The following SYT16 variants were observed in gnomAD, a reference collection of about 807,000 sequenced individuals.
The protein encoded by SYT16 is synaptotagmin-16.
SYT16 carries 42 observed loss-of-function variants against 61.4 expected under a neutral mutation model. The observed-to-expected ratio is 0.68, with a 90% CI of 0.53 to 0.89. The LOEUF (loss-of-function observed/expected upper bound fraction) is 0.89, where lower values mean the gene tolerates loss of function less well. SYT16 is among the 40% of genes least tolerant of loss of function. SYT16 has a pLI of 0.00. For synonymous variants in SYT16, 314 were observed against 302.3 expected, an observed-to-expected ratio of 1.04 and a Z score of -0.40; for missense variants, 804 against 807.3, an observed-to-expected ratio of 1.00 and a Z score of 0.05.
intron 7 of SYT16, among the ~76,000 whole-genome samples, chr14:62,091,003 A>C (rs1302279710): frequency 6.6e-6 from 1 of 152,174 alleles, no homozygotes; most frequent in Non-Finnish European, 1.5e-5. Flanking sequence ...GTTACCTCCC[A>C]CCGGGTCCCT....
intron 1 of SYT16, among the ~76,000 whole-genome samples, chr14:61,926,115 T>G (rs1052682085): frequency 4.6e-5 from 7 of 152,056 alleles, no homozygotes; most frequent in African/African-American, 7.2e-5. Context: ...GTGTGGGAGA[T>G]ATCGGGGTTT....
At chr14:61,819,877 T>C (rs1403802448) in intron 1 of SYT16, among the ~76,000 whole-genome samples, 1 of 152,198 alleles carries the variant, frequency 6.6e-6, no homozygotes, top group Non-Finnish European at 1.5e-5. Context: ...TCTGAGGAAT[T>C]ACAAGGAGTA....
At chr14:61,953,772 G>A (rs1300950048) in intron 1 of SYT16, among the ~76,000 whole-genome samples, 2 of 152,208 alleles carry the variant, frequency 1.3e-5, no homozygotes, top group Non-Finnish European at 2.9e-5. Context: ...GTGGTAGACA[G>A]CTGTGCTGTA....
intron 1 of SYT16, among the ~76,000 whole-genome samples, chr14:61,815,994 C>T (rs2045415588): frequency 6.6e-6 from 1 of 152,170 alleles, no homozygotes. Flanking sequence ...AAACATCTAA[C>T]TCTATTATAC....
intron 1 of SYT16, among the ~76,000 whole-genome samples, chr14:61,901,492 A>G (rs1282501863): frequency 1.3e-5 from 2 of 152,166 alleles, no homozygotes; most frequent in African/African-American, 4.8e-5. Context: ...CATTCTGGGT[A>G]GCAGTCTGTA....
At chr14:61,980,160 G>A (rs891017151) in intron 2 of SYT16, among the ~76,000 whole-genome samples, 1 of 152,198 alleles carries the variant, frequency 6.6e-6, no homozygotes, top group African/African-American at 2.4e-5. Flanking sequence ...GGTCCCTAGT[G>A]TGGAAGCACA....
At chr14:61,900,493 A>C (rs1345135057) in intron 1 of SYT16, among the ~76,000 whole-genome samples, 1 of 152,176 alleles carries the variant, frequency 6.6e-6, no homozygotes, top group Non-Finnish European at 1.5e-5. Flanking sequence ...TCTGAAAACA[A>C]ATTTCCAGGA....
chr14:61,948,871 G>A (rs946617257), intron 1 of SYT16, among the ~76,000 whole-genome samples: 4 of 152,166 alleles, frequency 2.6e-5, no homozygotes, highest in African/African-American at 9.7e-5. Flanking sequence ...GATGACTTAG[G>A]CATACAGAAA....
intron 2 of SYT16, among the ~76,000 whole-genome samples, chr14:61,983,625 A>C (rs529606395): frequency 6.6e-6 from 1 of 152,196 alleles, no homozygotes; most frequent in African/African-American, 2.4e-5. Flanking sequence ...TATTGGGCTC[A>C]AGCAATCCTT....
chr14:62,081,239 G>T lies in SYT16; in HGVS notation c.1399G>T (p.Val467Leu), dbSNP rs775442223. Reference protein sequence around the residue: ...SHLHPEGEMKVTLVLEPRSNI... With the variant: ...SHLHPEGEMKLTLVLEPRSNI... ...CCTGCACCCAGAAGGGGAAATGAAA[G>T]TGACTCTGGTTCTGGAGCCAAGAAG... Residue 467 changes from valine (V) to leucine (L), a missense_variant, in exon 6 of 8, where the codon GTG becomes TTG. Val to Leu is a conservative substitution (Grantham distance 32). Transcript: ENST00000683842. 48 of 1,613,840 alleles carry T rather than the reference G, an allele frequency of 3.0e-5. No individual in the cohort carries two copies. The highest frequency in any genetic ancestry group is 3.3e-4 in the Middle Eastern group (2 of 6,084).
intron 5 of SYT16, among the ~76,000 whole-genome samples, chr14:62,077,241 A>G (rs542092184): frequency 1.3e-5 from 2 of 152,326 alleles, no homozygotes; most frequent in South Asian, 4.1e-4. Flanking sequence ...TTGACAGAAA[A>G]TCTTTAAACC....
intron 1 of SYT16, among the ~76,000 whole-genome samples, chr14:61,885,994 T>C (rs1465520598): frequency 2.0e-5 from 3 of 150,104 alleles, no homozygotes; most frequent in Non-Finnish European, 4.4e-5. Context: ...AGACAGAGTC[T>C]TGCTCTGTCG....
intron 4 of SYT16, among the ~76,000 whole-genome samples, chr14:62,071,601 A>T (rs980323121): frequency 6.6e-6 from 1 of 152,172 alleles, no homozygotes; most frequent in Non-Finnish European, 1.5e-5. Context: ...AAATGTTAAC[A>T]TGGTTTTTAT....
intron 2 of SYT16, among the ~76,000 whole-genome samples, chr14:61,979,842 A>G (rs1245520866): frequency 2.6e-5 from 4 of 152,178 alleles, no homozygotes; most frequent in African/African-American, 9.7e-5. Flanking sequence ...AGATTGTGCC[A>G]CTGCACTCCA....
At chr14:61,902,227 G>C (rs1265988861) in intron 1 of SYT16, among the ~76,000 whole-genome samples, 1 of 152,048 alleles carries the variant, frequency 6.6e-6, no homozygotes, top group African/African-American at 2.4e-5. Context: ...AGCATATCAA[G>C]TGCTTTATAA....
At chr14:61,994,863 T>C (rs2140624843) in intron 2 of SYT16, among the ~76,000 whole-genome samples, 1 of 152,318 alleles carries the variant, frequency 6.6e-6, no homozygotes, top group South Asian at 2.1e-4. Flanking sequence ...TTTTAGAATG[T>C]AAGTAGTCAT....
In SYT16 at chr14:62,109,372, T is replaced by C. The variant is rs2057566297; in HGVS notation, c.*8665T>C. ...TAGTTCATTTATTTTAAGTGCTGAA[T>C]AATATTTCATTGTCTGGTTGTATCA... On this transcript the variant is annotated 3_prime_UTR_variant, in exon 8 of 8. Coordinates refer to ENST00000683842, the MANE Select transcript of SYT16 (RefSeq NM_001367656.1). 1 of 151,766 alleles carries C rather than the reference T, an allele frequency of 6.6e-6. No individual in the cohort carries two copies. The highest frequency in any genetic ancestry group is 1.5e-5 in the Non-Finnish European group (1 of 67,912). 9.4% of individuals were successfully genotyped at this position (151,766 alleles called of 1,614,324 possible).
chr14:61,853,070 C>T (rs962659278), intron 1 of SYT16, among the ~76,000 whole-genome samples: 2 of 152,166 alleles, frequency 1.3e-5, no homozygotes, highest in African/African-American at 4.8e-5. Context: ...AGGCATCTGC[C>T]ACCATGCCCA....
chr14:62,074,566 AT>A (rs902914515), intron 4 of SYT16, among the ~76,000 whole-genome samples: 1 of 152,146 alleles, frequency 6.6e-6, no homozygotes, highest in African/African-American at 2.4e-5. Flanking sequence ...GGCTTTTATC[AT>A]TTTTTAGATA....
Sources: gnomAD v4.1 joint callset for allele counts (sites outside exome capture counted in the v4.1 genomes callset) on GRCh38, gnomAD v4.1.1 for gene constraint, MANE v1.5 for transcripts, NCBI Gene and HGNC (gene_info 2026-07-23, HGNC 2026-07-21) for gene names.